Variants in PAH observed in about 807,000 individuals in gnomAD.
PAH encodes the protein phenylalanine-4-hydroxylase.
A neutral mutation model predicts 62.0 loss-of-function variants in PAH; 64 were observed. The ratio of observed to expected loss-of-function variants is 1.03; its 90% CI spans 0.84 to 1.27. The LOEUF (loss-of-function observed/expected upper bound fraction) is 1.27, where lower values mean the gene tolerates loss of function less well. Ranked by LOEUF, PAH falls within the 50% of genes most tolerant of loss-of-function variation. The pLI, the probability that PAH is intolerant of heterozygous loss-of-function variation, is 0.00. For synonymous variants in PAH, 195 were observed against 196.2 expected (o/e 0.99, Z 0.05); for missense variants, 579 against 542.8 (o/e 1.07, Z -0.66).
intron 4 of PAH, among the ~76,000 whole-genome samples, chr12:102,871,942 AAAAAAAAATATATATATATATAT>A (rs1308376729): frequency 1.7e-4 from 1 of 5,994 alleles, no homozygotes; most frequent in African/African-American, 3.3e-4. Flanking sequence ...AAAAAAAAAA[AAAAAAAAATATATATATATATAT>A]ATATATATAT....
rs1879959222 is a variant in PAH, at chr12:102,957,578, C to G, written c.-96+617G>C. 1 of 140,578 alleles carries G rather than the reference C, an allele frequency of 7.1e-6. No homozygotes were observed. Among genetic ancestry groups the G allele is most frequent in the Non-Finnish European group, 1.5e-5 (1 of 64,686 alleles). The allele number at this position is 140,578 out of a possible 1,614,324, so 8.7% of individuals were successfully genotyped here. A position where few individuals can be genotyped will look rare whatever the true frequency, so the allele number is the denominator to read the frequency against. ...GGGGGGGGAGTGGGGGCTGCAGCCGCTCGCTGCAGCAGCGGGGAGTGGGGG... is the reference window on the plus strand; with the variant it reads ...GGGGGGGGAGTGGGGGCTGCAGCCGGTCGCTGCAGCAGCGGGGAGTGGGGG... On this transcript the variant is annotated intron_variant, in intron 1 of 4. Coordinates refer to the PAH transcript ENST00000551337. The surrounding 1 kb of genome is among the most constrained non-coding windows in gnomAD (Gnocchi z 4.1).
At chr12:102,847,231 G>A in intron 8 of PAH, 1 of 472,498 alleles carries the variant, frequency 2.1e-6, no homozygotes, top group East Asian at 4.1e-5. Context: ...TGATCACAGG[G>A]TCGGTTAGTA....
At chr12:102,899,661 C>A (rs1333986856) in intron 2 of PAH, among the ~76,000 whole-genome samples, 5 of 150,894 alleles carry the variant, frequency 3.3e-5, no homozygotes, top group African/African-American at 1.2e-4. Flanking sequence ...AGATCGAGAC[C>A]ATCCCAGCTA....
chr12:102,868,049 T>C (rs28626587), intron 4 of PAH, among the ~76,000 whole-genome samples: 57,755 of 75,060 alleles, frequency 0.77, 21,804 homozygotes, highest in African/African-American at 0.82. Context: ...CCTATATATA[T>C]GTATATATAT....
At chr12:102,874,983 C>T (rs868855495) in intron 4 of PAH, among the ~76,000 whole-genome samples, 2 of 152,180 alleles carry the variant, frequency 1.3e-5, no homozygotes, top group Non-Finnish European at 2.9e-5. Flanking sequence ...GAAGAACACC[C>T]GCTGACTGCA....
Position 102,923,575 on chromosome 12 carries a change from A to G in PAH, c.-95-6350T>C, listed in dbSNP as rs530942891. On this transcript the variant is annotated intron_variant, in intron 1 of 3. Transcript: ENST00000546844. ...ATAGACCATCCATGAGAACTTACCAAAATTTTTGATTCTCACCATTCTAGA... is the reference window on the plus strand; with the variant it reads ...ATAGACCATCCATGAGAACTTACCAGAATTTTTGATTCTCACCATTCTAGA... 5.3e-5 allele frequency: 8 copies of G among 152,316 alleles called. No homozygotes were observed. In the East Asian group the frequency reaches 1.3e-3, roughly 26 times the overall value. The allele number at this position is 152,316 out of a possible 1,614,324, so 9.4% of individuals were successfully genotyped here.
At chr12:102,839,369 G>A (rs1288825113) in intron 12 of PAH, 151 bp from the exon 13 acceptor site, 4 of 719,392 alleles carry the variant, frequency 5.6e-6, no homozygotes, top group African/African-American at 1.8e-5. Flanking sequence ...CCTCATTATG[G>A]TATAAGTACT....
chr12:102,942,889 T>TC, intron 1 of PAH, among the ~76,000 whole-genome samples: 1 of 152,204 alleles, frequency 6.6e-6, no homozygotes, highest in East Asian at 1.9e-4. Context: ...CTGTACTCCT[T>TC]CCTTTCACCA....
intron 5 of PAH, among the ~76,000 whole-genome samples, chr12:102,861,065 A>G (rs1875693252): frequency 6.6e-6 from 1 of 152,256 alleles, no homozygotes; most frequent in Admixed American, 6.5e-5. Flanking sequence ...GAATGGGAGA[A>G]AATTTTTGCA....
At chr12:102,916,539 C>T (rs887630792) in intron 1 of PAH, 14 of 165,908 alleles carry the variant, frequency 8.4e-5, no homozygotes, top group African/African-American at 2.9e-4. Context: ...TTCCTCTCTG[C>T]TTAGTTTCTG....
chr12:102,892,553 G>A (rs1217909612), intron 3 of PAH, among the ~76,000 whole-genome samples: 1 of 152,108 alleles, frequency 6.6e-6, no homozygotes, highest in Non-Finnish European at 1.5e-5. Flanking sequence ...CCTTCAATAG[G>A]TGAATGAATA....
chr12:102,860,388 T>C (rs1875662633), intron 5 of PAH, among the ~76,000 whole-genome samples: 1 of 152,118 alleles, frequency 6.6e-6, no homozygotes. Context: ...AGAATCAATG[T>C]CGTGAAAATG....
At chr12:102,935,298 A>G (rs1879061183) in intron 1 of PAH, among the ~76,000 whole-genome samples, 1 of 152,066 alleles carries the variant, frequency 6.6e-6, no homozygotes, top group Non-Finnish European at 1.5e-5. Flanking sequence ...TTCTTTTGCT[A>G]GTATTTTGTC....
In PAH at chr12:102,889,534, G is replaced by GGACAGATAGATAGATA. The variant is rs75657447; in HGVS notation, c.352+5200_352+5201insTATCTATCTATCTGTC. Among the ~76,000 whole-genome samples, 426 of 150,550 alleles carry GGACAGATAGATAGATA rather than the reference G, an allele frequency of 2.8e-3. 2 individuals carry two copies. Among genetic ancestry groups the GGACAGATAGATAGATA allele is most frequent in the African/African-American group, 4.8e-3 (197 of 40,702 alleles). On this transcript the variant is annotated intron_variant, in intron 3 of 12. Transcript: ENST00000553106. ...GATGATAGATGATGGATAGATAGACGGATAGATAGATAGACAGATAGATAG... is the reference window on the plus strand; with the variant it reads ...GATGATAGATGATGGATAGATAGACGGACAGATAGATAGATAGATAGATAGATAGACAGATAGATAG...
At chr12:102,895,044 A>G in intron 2 of PAH, 126 bp from the exon 3 acceptor site, 1 of 768,666 alleles carries the variant, frequency 1.3e-6, no homozygotes, top group Non-Finnish European at 2.2e-6. Context: ...TTATTTTTAT[A>G]AGAGTATAAA....
At chr12:102,848,207 G>A (rs1874954260) in intron 8 of PAH, among the ~76,000 whole-genome samples, 1 of 132,856 alleles carries the variant, frequency 7.5e-6, no homozygotes. Flanking sequence ...GGTAGAGTAG[G>A]ACACCAGGAG....
In PAH at chr12:102,958,233, C is replaced by T; in HGVS notation, c.-134G>A. The T allele has an allele frequency of 2.1e-6, 3 of 1,460,738 alleles. 1 individual carries two copies. The highest frequency in any genetic ancestry group is 1.8e-6 in the Non-Finnish European group (2 of 1,109,936). The allele number at this position is 1,460,738 out of a possible 1,614,324, so 90.5% of individuals were successfully genotyped here. A position where few individuals can be genotyped will look rare whatever the true frequency, so the allele number is the denominator to read the frequency against. ...TCGCTCTGATTCCGCGACTCCTTGG[C>T]CGCCGCTGCGCATGGAAAGCTCTGC... On this transcript the variant is annotated 5_prime_UTR_variant, in exon 1 of 5. Transcript: ENST00000551337.
chr12:102,856,403 G>C (rs1007123598), intron 5 of PAH, among the ~76,000 whole-genome samples: 1 of 152,188 alleles, frequency 6.6e-6, no homozygotes, highest in Non-Finnish European at 1.5e-5. Context: ...CTCCACCTCT[G>C]GGGGCAGTGC....
chr12:102,912,383 T>C (rs1347737021), intron 2 of PAH, among the ~76,000 whole-genome samples: 1 of 152,160 alleles, frequency 6.6e-6, no homozygotes, highest in Non-Finnish European at 1.5e-5. Flanking sequence ...ATTTAGTGAA[T>C]AAAAGAATTA....
Sources: allele counts gnomAD v4.1 joint callset (sites outside exome capture counted in the v4.1 genomes callset), GRCh38; gene constraint gnomAD v4.1.1; non-coding constraint Gnocchi (gnomAD v3.1); transcripts MANE v1.5; gene names NCBI Gene and HGNC (gene_info 2026-07-23, HGNC 2026-07-21).